DLGAP2: variants seen among roughly 807,000 people sequenced by gnomAD.
DLGAP2 encodes disks large-associated protein 2.
In DLGAP2, 26 loss-of-function variants were observed where a neutral mutation model predicts 100.3. The observed-to-expected ratio is 0.26, with a 90% CI of 0.19 to 0.36. The LOEUF (loss-of-function observed/expected upper bound fraction) is 0.36. Ranked by LOEUF, DLGAP2 falls within the 10% of genes least tolerant of loss-of-function variation. The pLI, the probability that DLGAP2 is intolerant of heterozygous loss-of-function variation, is 1.00. For missense variants in DLGAP2, 1,858 were observed against 1,453.2 expected (o/e 1.28, Z -4.53); for synonymous variants, 886 against 630.1 (o/e 1.41, Z -6.08).
intron 3 of DLGAP2, among the ~76,000 whole-genome samples, chr8:1,437,482 C>A (rs548912979): frequency 6.6e-6 from 1 of 152,138 alleles, no homozygotes; most frequent in Non-Finnish European, 1.5e-5. Context: ...CGCTATTTTA[C>A]CAAATTTCTG....
intron 2 of DLGAP2, among the ~76,000 whole-genome samples, chr8:921,208 A>C (rs903700561): frequency 6.6e-6 from 1 of 151,838 alleles, no homozygotes; most frequent in Non-Finnish European, 1.5e-5. Context: ...TTTTTTTCCC[A>C]AGACTAGATG....
intron 2 of DLGAP2, among the ~76,000 whole-genome samples, chr8:1,017,621 C>T (rs1478832514): frequency 6.9e-6 from 1 of 144,224 alleles, no homozygotes; most frequent in Non-Finnish European, 1.6e-5. Flanking sequence ...GGCGCCTCCA[C>T]TGTGTGTGTG....
intron 6 of DLGAP2, among the ~76,000 whole-genome samples, chr8:1,584,252 A>C (rs1282216949): frequency 2.0e-5 from 3 of 152,220 alleles, no homozygotes; most frequent in African/African-American, 7.2e-5. Context: ...GACGCCGATA[A>C]AGTAATCCTG....
At chr8:1,568,941 C>A (rs57665675) in intron 6 of DLGAP2, among the ~76,000 whole-genome samples, 2 of 123,128 alleles carry the variant, frequency 1.6e-5, no homozygotes, top group African/African-American at 3.1e-5. Context: ...CCACTCTGCC[C>A]GTGGCCTCCA....
At chr8:1,604,313 T>C (rs986714412) in intron 6 of DLGAP2, among the ~76,000 whole-genome samples, 1 of 152,228 alleles carries the variant, frequency 6.6e-6, no homozygotes, top group Non-Finnish European at 1.5e-5. Context: ...GTGTTCATTA[T>C]GATTTGCAAA....
chr8:909,272 G>T (rs946945033), intron 2 of DLGAP2, among the ~76,000 whole-genome samples: 1 of 152,122 alleles, frequency 6.6e-6, no homozygotes, highest in Non-Finnish European at 1.5e-5. Flanking sequence ...AGTCACATGT[G>T]TAAAAAAGAT....
intron 5 of DLGAP2, among the ~76,000 whole-genome samples, chr8:1,562,693 G>C (rs2130564407): frequency 4.8e-5 from 2 of 41,660 alleles, no homozygotes; most frequent in African/African-American, 1.2e-4. Flanking sequence ...CTCATTACTG[G>C]GGGGCTGTGT....
intron 3 of DLGAP2, among the ~76,000 whole-genome samples, chr8:1,310,899 A>G (rs1418271143): frequency 1.3e-5 from 2 of 152,232 alleles, no homozygotes; most frequent in African/African-American, 4.8e-5. Flanking sequence ...CAATGGGTCA[A>G]AGAATCAGAA....
At chr8:804,015 G>C (rs150536128) in intron 1 of DLGAP2, among the ~76,000 whole-genome samples, 105 of 152,146 alleles carry the variant, frequency 6.9e-4, no homozygotes, top group African/African-American at 2.5e-3. Flanking sequence ...GTTGGCGGGG[G>C]GTGTGGATTT....
chr8:1,010,638 A>G (rs535956557), intron 2 of DLGAP2, among the ~76,000 whole-genome samples: 84 of 152,336 alleles, frequency 5.5e-4, no homozygotes, highest in African/African-American at 1.9e-3. Context: ...AACCTGCAAG[A>G]ATGGGTGAGG....
intron 1 of DLGAP2, among the ~76,000 whole-genome samples, chr8:844,144 C>G (rs1797031685): frequency 6.6e-6 from 1 of 152,118 alleles, no homozygotes; most frequent in Admixed American, 6.5e-5. Flanking sequence ...TCAGCTCTGC[C>G]ATTGCAGTGA....
At chr8:919,802 C>T (rs1343166079) in intron 2 of DLGAP2, among the ~76,000 whole-genome samples, 1 of 152,260 alleles carries the variant, frequency 6.6e-6, no homozygotes, top group Non-Finnish European at 1.5e-5. Flanking sequence ...TGTGGCTGTG[C>T]TCTCTGTGGT....
intron 2 of DLGAP2, among the ~76,000 whole-genome samples, chr8:1,246,611 C>G (rs1410397071): frequency 6.6e-6 from 1 of 152,224 alleles, no homozygotes; most frequent in Admixed American, 6.5e-5. Flanking sequence ...CTAAACTTAC[C>G]ACCCAAGTTT....
intron 8 of DLGAP2, among the ~76,000 whole-genome samples, chr8:1,644,169 G>C (rs371243163): frequency 1.3e-5 from 2 of 152,056 alleles, no homozygotes; most frequent in South Asian, 2.1e-4. Flanking sequence ...TGCTCACCTG[G>C]GTGCCTCCTC....
At chr8:892,713 G>T (rs1798061910) in intron 1 of DLGAP2, among the ~76,000 whole-genome samples, 1 of 152,180 alleles carries the variant, frequency 6.6e-6, no homozygotes, top group Non-Finnish European at 1.5e-5. Flanking sequence ...GGGGAGACCG[G>T]GAACCACCAG....
At chr8:896,213 G>A (rs946673035) in intron 1 of DLGAP2, among the ~76,000 whole-genome samples, 2 of 143,950 alleles carry the variant, frequency 1.4e-5, no homozygotes, top group Non-Finnish European at 3.0e-5. Flanking sequence ...TTGTTGGATG[G>A]GGATGATAGT....
chr8:1,059,767 C>T (rs758987903), intron 2 of DLGAP2, among the ~76,000 whole-genome samples: 11 of 152,066 alleles, frequency 7.2e-5, no homozygotes, highest in Admixed American at 2.0e-4. Flanking sequence ...TCTGTGCAGG[C>T]GCAGTGGTGA....
intron 2 of DLGAP2, chr8:1,250,258 G>C (rs527877264): frequency 1.1e-4 from 17 of 152,222 alleles, no homozygotes; most frequent in African/African-American, 4.1e-4. Context: ...ATTTCAGGAC[G>C]TGACAATGGC....
At chr8:1,102,372 A>G (rs1157100292) in intron 2 of DLGAP2, among the ~76,000 whole-genome samples, 1 of 148,170 alleles carries the variant, frequency 6.7e-6, no homozygotes, top group Non-Finnish European at 1.5e-5. Context: ...ATATATTTAT[A>G]TATAATTTAT....
Sources: allele counts gnomAD v4.1 joint callset (sites outside exome capture counted in the v4.1 genomes callset), GRCh38; gene constraint gnomAD v4.1.1; transcripts MANE v1.5; gene names NCBI Gene and HGNC (gene_info 2026-07-23, HGNC 2026-07-21).